Variants in NPIPB8 observed in about 807,000 individuals in gnomAD.
The protein encoded by NPIPB8 is nuclear pore complex-interacting protein family member B8.
NPIPB8 carries 3 observed loss-of-function variants against 5.3 expected under a neutral mutation model. The ratio of observed to expected loss-of-function variants is 0.57; its 90% CI spans 0.26 to 1.47. The LOEUF (loss-of-function observed/expected upper bound fraction) is 1.47, where lower values mean the gene tolerates loss of function less well. Among genes scored for constraint, NPIPB8 ranks in the 40% most tolerant of loss-of-function variants. The pLI is 0.13. For synonymous variants in NPIPB8, 18 were observed against 23.0 expected (o/e 0.78, Z 0.62); for missense variants, 50 against 50.2 (o/e 1.00, Z 0.01).
At chr16:28,644,689 T>C in intron 2 of NPIPB8, 1 of 1,262,318 alleles carries the variant, frequency 7.9e-7, no homozygotes, top group Non-Finnish European at 1.0e-6. Context: ...GGTTTCTTCC[T>C]TTTTACTGGG....
chr16:28,640,111 T>C (rs1438047233), intron 2 of NPIPB8, among the ~76,000 whole-genome samples: 1 of 151,800 alleles, frequency 6.6e-6, no homozygotes, highest in Non-Finnish European at 1.5e-5. Flanking sequence ...TTACAGTCAA[T>C]AAGAGGCAGA....
chr16:28,644,463 C>A (rs1472587376), intron 2 of NPIPB8: 1 of 23,578 alleles, frequency 4.2e-5, no homozygotes, highest in East Asian at 1.6e-3. Flanking sequence ...CCTCCCCTCC[C>A]CCTCCCCCTC....
chr16:28,639,299 C>T (rs2047848850), intron 2 of NPIPB8, among the ~76,000 whole-genome samples: 1 of 148,844 alleles, frequency 6.7e-6, no homozygotes, highest in African/African-American at 2.5e-5. Context: ...TACAAAAAGT[C>T]CAATAGTAAT....
intron 2 of NPIPB8, among the ~76,000 whole-genome samples, chr16:28,641,566 G>A (rs1261114889): frequency 7.1e-6 from 1 of 140,736 alleles, no homozygotes; most frequent in Non-Finnish European, 1.6e-5. Context: ...TCCCTCATCA[G>A]CCGTAAATGA....
intron 2 of NPIPB8, among the ~76,000 whole-genome samples, chr16:28,641,549 C>A (rs2047897165): frequency 7.1e-6 from 1 of 141,582 alleles, no homozygotes; most frequent in Non-Finnish European, 1.6e-5. Flanking sequence ...GCCCTACCTT[C>A]TGGCCTTCCC....
intron 2 of NPIPB8, among the ~76,000 whole-genome samples, chr16:28,639,444 C>CACACACAT (rs1452819801): frequency 8.5e-6 from 1 of 116,984 alleles, no homozygotes; most frequent in African/African-American, 3.8e-5. Context: ...CACACACACA[C>CACACACAT]ATATATATAT....
At chr16:28,642,295 A>G (rs2411437) in intron 2 of NPIPB8, among the ~76,000 whole-genome samples, 55 of 151,718 alleles carry the variant, frequency 3.6e-4, no homozygotes, top group Non-Finnish European at 5.6e-4. Context: ...TAGTAGAGAC[A>G]GGGTTTCACC....
At chr16:28,640,715 C>T (rs1170419839) in intron 2 of NPIPB8, among the ~76,000 whole-genome samples, 2 of 152,056 alleles carry the variant, frequency 1.3e-5, no homozygotes, top group East Asian at 3.8e-4. Flanking sequence ...GAGTTTGTCC[C>T]AGAGCTGCAC....
rs772883338 is a variant in NPIPB8, at chr16:28,644,676, C to T, written c.121-3459C>T. The stretch of plus-strand genomic sequence containing the variant: ...CCCCTGTGAGTAGACGCTGGACCCG[C>T]GGGGTTTCTTCCTTTTTACTGGGCT... On this transcript the variant is annotated intron_variant, in intron 2 of 7. Coordinates refer to ENST00000683297, the MANE Select transcript of NPIPB8 (RefSeq NM_001310136.2). 12 of 1,368,920 alleles carry T rather than the reference C, an allele frequency of 8.8e-6. No individual in the cohort carries two copies. The Middle Eastern group carries it at 7.9e-4, about 90-fold the overall frequency. The allele number at this position is 1,368,920 out of a possible 1,614,324, so 84.8% of individuals were successfully genotyped here. A position where few individuals can be genotyped will look rare whatever the true frequency, so the allele number is the denominator to read the frequency against.
chr16:28,643,037 G>A (rs1297335067), intron 2 of NPIPB8, among the ~76,000 whole-genome samples: 2 of 152,050 alleles, frequency 1.3e-5, no homozygotes, highest in African/African-American at 2.4e-5. Context: ...GTGATAGACA[G>A]TGGGGGTCTG....
chr16:28,642,620 G>T (rs1265287348), intron 2 of NPIPB8, among the ~76,000 whole-genome samples: 1 of 150,662 alleles, frequency 6.6e-6, no homozygotes, highest in Non-Finnish European at 1.5e-5. Flanking sequence ...AAGTAGGTGG[G>T]ACTACAGGTG....
At chr16:28,641,195 T>C (rs1438340134) in intron 2 of NPIPB8, among the ~76,000 whole-genome samples, 3 of 151,186 alleles carry the variant, frequency 2.0e-5, no homozygotes, top group Non-Finnish European at 4.4e-5. Context: ...GACACAGAGG[T>C]CTTAGAGAGA....
chr16:28,642,530 G>T (rs545198281), intron 2 of NPIPB8, among the ~76,000 whole-genome samples: 35 of 150,992 alleles, frequency 2.3e-4, no homozygotes, highest in South Asian at 8.4e-4. Flanking sequence ...TGTCGCCTAG[G>T]CTGGAGTGCA....
Position 28,638,385 on chromosome 16 carries a change from A to T in NPIPB8, c.25A>T (p.Thr9Ser). 6.4e-7 allele frequency: 1 copy of T among 1,568,296 alleles called. No homozygotes were observed. The highest frequency in any genetic ancestry group is 8.6e-7 in the Non-Finnish European group (1 of 1,164,402). MVKLSIVL[T>S]PQFLSHDQGQ... Reference sequence around the variant, plus strand: ...AATGGTGAAGCTCTCTATTGTCCTGACCCCACAGTTCCTGTCCCATGACCA... The same window carrying T: ...AATGGTGAAGCTCTCTATTGTCCTGTCCCCACAGTTCCTGTCCCATGACCA... The change falls in exon 2 of 8, where the codon ACC becomes TCC. Residue 9 changes from threonine (T) to serine (S), a missense_variant. Thr to Ser is a moderately conservative substitution (Grantham distance 58). Transcript: ENST00000683297.
chr16:28,642,726 C>T (rs2047926432), intron 2 of NPIPB8, among the ~76,000 whole-genome samples: 1 of 151,556 alleles, frequency 6.6e-6, no homozygotes, highest in Non-Finnish European at 1.5e-5. Flanking sequence ...TTGTGATCCG[C>T]CCACCTCGGC....
Position 28,645,146 on chromosome 16 carries a change from C to CA in NPIPB8, c.121-2987dup, listed in dbSNP as rs567857965. 5.5e-3 allele frequency among the ~76,000 whole-genome samples: 735 copies of CA among 133,756 alleles called. 38 individuals are homozygous for CA. Among genetic ancestry groups the CA allele is most frequent in the Middle Eastern group, 0.018 (5 of 282 alleles). The allele number at this position is 133,756 out of a possible 152,430, so 87.7% of individuals were successfully genotyped here. A position where few individuals can be genotyped will look rare whatever the true frequency, so the allele number is the denominator to read the frequency against. On this transcript the variant is annotated intron_variant, in intron 2 of 7. Transcript: ENST00000683297. Reference sequence around the variant, plus strand: ...GCAACCTCCGCTTCCGGGGTTCAAGCAATTGTCCTGCCCCAGCCTCCTGAG... The same window carrying CA: ...GCAACCTCCGCTTCCGGGGTTCAAGCAAATTGTCCTGCCCCAGCCTCCTGAG...
chr16:28,643,005 G>A lies in NPIPB8; in HGVS notation c.120+4525G>A, dbSNP rs191131750. Among the ~76,000 whole-genome samples the A allele has an allele frequency of 8.4e-4, 128 of 152,310 alleles. 1 individual carries two copies. Among genetic ancestry groups the A allele is most frequent in the Non-Finnish European group, 1.2e-3 (81 of 68,036 alleles). On this transcript the variant is annotated intron_variant, in intron 2 of 7. Transcript: ENST00000683297. The stretch of plus-strand genomic sequence containing the variant: ...GGGCGGAAGGCCTGTGGGAAGTTTA[G>A]CTGAGGACAGGGCCAGGAAAGGTGA...
chr16:28,651,639 TGTGTGTGA>T (rs1205677667), intron 3 of NPIPB8, among the ~76,000 whole-genome samples: 4 of 83,766 alleles, frequency 4.8e-5, no homozygotes, highest in South Asian at 3.7e-4. Flanking sequence ...TGTGTGTGTG[TGTGTGTGA>T]GAGACAGAGT....
chr16:28,642,191 C>A (rs370263924), intron 2 of NPIPB8, among the ~76,000 whole-genome samples: 3 of 151,044 alleles, frequency 2.0e-5, no homozygotes, highest in African/African-American at 7.3e-5. Context: ...CTGCAACCTC[C>A]GCCTCCCGGG....
Sources: allele counts gnomAD v4.1 joint callset (sites outside exome capture counted in the v4.1 genomes callset), GRCh38; gene constraint gnomAD v4.1.1; transcripts MANE v1.5; gene names NCBI Gene and HGNC (gene_info 2026-07-23, HGNC 2026-07-21).